BTRC: variants seen among roughly 807,000 people sequenced by gnomAD.
The protein encoded by BTRC is beta-transducin repeat containing E3 ubiquitin protein ligase.
BTRC carries 42 observed loss-of-function variants against 85.5 expected under a neutral mutation model. That is an observed-to-expected ratio of 0.49 (90% CI 0.38 to 0.64). The LOEUF (loss-of-function observed/expected upper bound fraction) is 0.64. Among genes scored for constraint, BTRC ranks in the 30% least tolerant of loss-of-function variants. The probability of loss-of-function intolerance (pLI) is 0.00; values close to 1 mark genes in which losing one functional copy is unlikely to be tolerated. For missense variants in BTRC, 594 were observed against 743.5 expected, an observed-to-expected ratio of 0.80 and a Z score of 2.34; for synonymous variants, 255 against 263.3, an observed-to-expected ratio of 0.97 and a Z score of 0.30.
chr10:101,456,683 C>T (rs1420705340), intron 2 of BTRC, among the ~76,000 whole-genome samples: 1 of 152,120 alleles, frequency 6.6e-6, no homozygotes, highest in Non-Finnish European at 1.5e-5. Flanking sequence ...CTTTATTGAC[C>T]TTTTCCTACC....
chr10:101,455,403 G>A (rs1190506324), intron 2 of BTRC, among the ~76,000 whole-genome samples: 5 of 152,084 alleles, frequency 3.3e-5, no homozygotes. Flanking sequence ...AACTGGCCCT[G>A]CCTTGAAGGA....
chr10:101,533,557 A>G (rs1179746021), intron 9 of BTRC, among the ~76,000 whole-genome samples: 5 of 152,140 alleles, frequency 3.3e-5, no homozygotes, highest in Admixed American at 1.3e-4. Flanking sequence ...TTCCAGAGGC[A>G]TTAGTGATTT....
intron 1 of BTRC, among the ~76,000 whole-genome samples, chr10:101,357,141 A>G (rs1036274942): frequency 1.3e-5 from 2 of 148,932 alleles, no homozygotes; most frequent in African/African-American, 2.5e-5. Context: ...AAAAACAAAC[A>G]AACAAAAAAG....
At chr10:101,497,925 C>T (rs975339401) in intron 4 of BTRC, among the ~76,000 whole-genome samples, 3 of 151,406 alleles carry the variant, frequency 2.0e-5, no homozygotes, top group African/African-American at 7.3e-5. Flanking sequence ...GAGGCTGAGG[C>T]AGGAGAATTG....
At chr10:101,539,656 A>T (rs1241151267) in intron 13 of BTRC, among the ~76,000 whole-genome samples, 1 of 152,218 alleles carries the variant, frequency 6.6e-6, no homozygotes, top group East Asian at 1.9e-4. Context: ...GGATGAATGT[A>T]TGCTTTTTGC....
At chr10:101,429,018 GT>G (rs1352108755) in intron 1 of BTRC, among the ~76,000 whole-genome samples, 3 of 151,918 alleles carry the variant, frequency 2.0e-5, no homozygotes, top group African/African-American at 7.3e-5. Flanking sequence ...ACCATATTTT[GT>G]TTCCCAATAT....
At chr10:101,474,131 C>T (rs984038951) in intron 3 of BTRC, among the ~76,000 whole-genome samples, 10 of 152,088 alleles carry the variant, frequency 6.6e-5, no homozygotes, top group African/African-American at 2.4e-4. Flanking sequence ...TTTCTCTTGA[C>T]AATGGATCCC....
In BTRC at chr10:101,430,378, T is replaced by C; in HGVS notation, c.82T>C (p.Ser28Pro). The change falls in exon 2 of 15, where the codon TCC becomes CCC. Residue 28 changes from serine (S) to proline (P), a missense_variant. This residue lies in a region of BTRC where 163 missense variants were observed against 180.5 expected (regional missense o/e 0.90). Transcript: ENST00000370187. Reference sequence around the variant, plus strand: ...GCCCAGGTCTCTGTGGCTGGGCTGCTCCAGCCTGGCGGACAGCATGCCTTC... The same window carrying C: ...GCCCAGGTCTCTGTGGCTGGGCTGCCCCAGCCTGGCGGACAGCATGCCTTC... ...SMPRSLWLGC[S>P]SLADSMPSLR... 6.2e-7 allele frequency: 1 copy of C among 1,614,126 alleles called. No homozygotes were observed. Among genetic ancestry groups the C allele is most frequent in the Non-Finnish European group, 8.5e-7 (1 of 1,179,996 alleles).
chr10:101,509,002 T>A (rs1206806783), intron 4 of BTRC, among the ~76,000 whole-genome samples: 1 of 151,880 alleles, frequency 6.6e-6, no homozygotes. Context: ...TTCTGCATGT[T>A]CAATTTGTAG....
chr10:101,551,803 G>A lies in BTRC; in HGVS notation c.*31+912G>A, dbSNP rs545515115. On this transcript the variant is annotated intron_variant, in intron 14 of 14. Transcript: ENST00000370187. ...CGGTTCGTCGTTCCTCAGCCAGGTC[G>A]CACAGGCTGTGTGCCCTTAGACAAG... Among the ~76,000 whole-genome samples the A allele has an allele frequency of 3.6e-4, 55 of 152,280 alleles. No individual in the cohort carries two copies. In the South Asian group the frequency reaches 0.01, roughly 28 times the overall value.
chr10:101,455,879 C>T (rs565582166), intron 2 of BTRC, among the ~76,000 whole-genome samples: 1 of 151,866 alleles, frequency 6.6e-6, no homozygotes, highest in Non-Finnish European at 1.5e-5. Flanking sequence ...TGGTGGCTTA[C>T]GCCTGTAATC....
chr10:101,406,792 G>A (rs1003139906), intron 1 of BTRC, among the ~76,000 whole-genome samples: 1 of 149,142 alleles, frequency 6.7e-6, no homozygotes, highest in African/African-American at 2.5e-5. Flanking sequence ...CCTCAGCCTC[G>A]CAAAGTGCTG....
At chr10:101,354,363 T>TG (rs1941968401) in intron 1 of BTRC, 135 bp downstream of exon 1, 1 of 1,001,372 alleles carries the variant, frequency 1.0e-6, no homozygotes, top group African/African-American at 1.7e-5. Context: ...GCTGGAGGGA[T>TG]GGGATGGGAG....
chr10:101,440,380 A>G (rs916201974), intron 2 of BTRC, among the ~76,000 whole-genome samples: 3 of 152,142 alleles, frequency 2.0e-5, no homozygotes, highest in Non-Finnish European at 4.4e-5. Context: ...CTGAGAATGA[A>G]TGGCCTTTTG....
chr10:101,519,755 G>T (rs913989448), intron 4 of BTRC, among the ~76,000 whole-genome samples: 4 of 152,314 alleles, frequency 2.6e-5, no homozygotes, highest in African/African-American at 9.6e-5. Flanking sequence ...CAGCACTTTG[G>T]GAGGCCAAGG....
chr10:101,450,366 T>C (rs958412385), intron 2 of BTRC, among the ~76,000 whole-genome samples: 10 of 152,206 alleles, frequency 6.6e-5, no homozygotes, highest in Non-Finnish European at 1.3e-4. Context: ...TAAAATGTTG[T>C]ATTGTGATAT....
At chr10:101,394,552 A>C (rs905025722) in intron 1 of BTRC, among the ~76,000 whole-genome samples, 2 of 152,184 alleles carry the variant, frequency 1.3e-5, no homozygotes, top group East Asian at 1.9e-4. Context: ...CCGCTTCCCT[A>C]CTCCACAAAA....
chr10:101,440,659 T>A (rs1483005956), intron 2 of BTRC, among the ~76,000 whole-genome samples: 6 of 152,006 alleles, frequency 3.9e-5, no homozygotes, highest in Non-Finnish European at 5.9e-5. Flanking sequence ...GAGGTGGTGG[T>A]TGCAGTGAGC....
At chr10:101,397,547 T>C (rs1361013199) in intron 1 of BTRC, among the ~76,000 whole-genome samples, 1 of 152,226 alleles carries the variant, frequency 6.6e-6, no homozygotes, top group Non-Finnish European at 1.5e-5. Context: ...ATAATTGTGC[T>C]ATGGAGGAAA....
Sources: allele counts gnomAD v4.1 joint callset (sites outside exome capture counted in the v4.1 genomes callset), GRCh38; gene constraint gnomAD v4.1.1; regional missense constraint gnomAD v4.1.1; transcripts MANE v1.5; gene names NCBI Gene and HGNC (gene_info 2026-07-23, HGNC 2026-07-21).